The following MAP2K1 variants were observed in gnomAD, a reference collection of about 807,000 sequenced individuals.
MAP2K1 encodes the protein dual specificity mitogen-activated protein kinase kinase 1.
Under a neutral mutation model 46.3 loss-of-function variants are expected in MAP2K1, and 16 were observed. The observed-to-expected ratio is 0.35, with a 90% CI of 0.23 to 0.52. The LOEUF is 0.52. Among genes scored for constraint, MAP2K1 ranks in the 20% least tolerant of loss-of-function variants. MAP2K1 has a pLI of 0.94. For missense variants in MAP2K1, 263 were observed against 497.1 expected (o/e 0.53, Z 4.48); for synonymous variants, 183 against 185.6 (o/e 0.99, Z 0.11).
At chr15:66,444,753 A>T (rs1891817949) in intron 5 of MAP2K1, 46 bp downstream of exon 5, 1 of 1,463,474 alleles carries the variant, frequency 6.8e-7, no homozygotes, top group Admixed American at 1.7e-5. Context: ...TTTAGATATA[A>T]TCCAAAGGCT....
In MAP2K1 at chr15:66,404,945, G is replaced by A. The variant is rs141224527; in HGVS notation, c.80+17518G>A. Among the ~76,000 whole-genome samples the A allele has an allele frequency of 5.1e-3, 772 of 152,282 alleles. 10 individuals are homozygous for A. Among genetic ancestry groups the A allele is most frequent in the Non-Finnish European group, 5.5e-3 (373 of 68,008 alleles). ...CTGCTGTTAATCTGTGGGGCAATAA[G>A]AATTGATCCTACTGCAAGAAAGAGA... On this transcript the variant is annotated intron_variant, in intron 1 of 10. Coordinates refer to ENST00000307102, the MANE Select transcript of MAP2K1 (RefSeq NM_002755.4).
chr15:66,443,854 T>G (rs999711761), intron 4 of MAP2K1, among the ~76,000 whole-genome samples: 2 of 151,998 alleles, frequency 1.3e-5, no homozygotes, highest in African/African-American at 4.8e-5. Flanking sequence ...GGCGACAGAG[T>G]GAGACCCTGT....
At chr15:66,392,255 G>GTTTTTTTTTTTTTTTTTTTTTTTTTTTT (rs58831070) in intron 1 of MAP2K1, among the ~76,000 whole-genome samples, 2 of 97,768 alleles carry the variant, frequency 2.0e-5, no homozygotes, top group African/African-American at 9.1e-5. Context: ...TTTTTTTTGG[G>GTTTTTTTTTTTTTTTTTTTTTTTTTTTT]TTTTTTTTTT....
intron 5 of MAP2K1, among the ~76,000 whole-genome samples, chr15:66,448,224 T>C (rs1015998230): frequency 6.6e-6 from 1 of 152,010 alleles, no homozygotes; most frequent in African/African-American, 2.4e-5. Context: ...ATCTACCTTC[T>C]GTCTCTATGA....
At position 66,440,343 on chromosome 15, in the gene MAP2K1, C is replaced by T. The variant is rs538509133; in HGVS notation, c.439-2937C>T. Among the ~76,000 whole-genome samples, 8 of 152,268 alleles carry T rather than the reference C, an allele frequency of 5.3e-5. No individual in the cohort carries two copies. The South Asian group carries it at 1.2e-3, about 24-fold the overall frequency. ...TTGGGCTCAAGCAATCTGCCTGTCT[C>T]GGCCTCTCAAAGTGCTGGGATTAGA... On this transcript the variant is annotated intron_variant, in intron 3 of 10. Coordinates refer to ENST00000307102, the MANE Select transcript of MAP2K1 (RefSeq NM_002755.4).
At chr15:66,455,895 A>G (rs1289172462) in intron 5 of MAP2K1, among the ~76,000 whole-genome samples, 2 of 152,182 alleles carry the variant, frequency 1.3e-5, no homozygotes, top group Non-Finnish European at 2.9e-5. Context: ...TGGGTGTTCA[A>G]AGGGAGAAAC....
chr15:66,423,604 A>ATT (rs142169839), intron 1 of MAP2K1, among the ~76,000 whole-genome samples: 3,549 of 112,972 alleles, frequency 0.031, 204 homozygotes, highest in African/African-American at 0.068. Flanking sequence ...TGCCAGGCTA[A>ATT]TTTTTTTTTT....
At chr15:66,468,397 C>G (rs929357553) in intron 5 of MAP2K1, among the ~76,000 whole-genome samples, 1 of 152,150 alleles carries the variant, frequency 6.6e-6, no homozygotes, top group African/African-American at 2.4e-5. Context: ...GGTGAAAAAT[C>G]AGATAGCAAA....
intron 5 of MAP2K1, among the ~76,000 whole-genome samples, chr15:66,470,091 CT>C (rs1567021186): frequency 1.8e-5 from 1 of 55,740 alleles, no homozygotes; most frequent in Non-Finnish European, 3.5e-5. Context: ...ACTTTTTTTT[CT>C]TGTTTTTTTT....
intron 5 of MAP2K1, among the ~76,000 whole-genome samples, chr15:66,448,278 ATT>A (rs1567013843): frequency 1.3e-5 from 2 of 151,978 alleles, no homozygotes; most frequent in Non-Finnish European, 2.9e-5. Flanking sequence ...ATTACACAGT[ATT>A]TGTCCTTTAG....
chr15:66,490,857 G>A lies in MAP2K1; in HGVS notation c.*242G>A. The A allele has an allele frequency of 3.5e-6, 2 of 574,528 alleles. No individual in the cohort carries two copies. Among genetic ancestry groups the A allele is most frequent in the East Asian group, 3.1e-5 (1 of 32,480 alleles). The allele number at this position is 574,528 out of a possible 1,614,324, so 35.6% of individuals were successfully genotyped here. A position where few individuals can be genotyped will look rare whatever the true frequency, so the allele number is the denominator to read the frequency against. ...GCTTGGGGCTATTTGTGTGTATGCT[G>A]ATGATCAAAACCTGTGCCAGGCTGA... On this transcript the variant is annotated 3_prime_UTR_variant, in exon 11 of 11. Coordinates refer to ENST00000307102, the MANE Select transcript of MAP2K1 (RefSeq NM_002755.4).
intron 8 of MAP2K1, among the ~76,000 whole-genome samples, chr15:66,487,615 A>G (rs953836985): frequency 6.6e-6 from 1 of 151,616 alleles, no homozygotes; most frequent in Non-Finnish European, 1.5e-5. Context: ...AAAAACAAAA[A>G]AACACATCGC....
chr15:66,387,358 A>G lies in MAP2K1; in HGVS notation c.11A>G (p.Lys4Arg), dbSNP rs761150136. The G allele has an allele frequency of 2.6e-6, 4 of 1,563,490 alleles. No individual in the cohort carries two copies. In the Admixed American group the frequency reaches 5.7e-5, roughly 22 times the overall value. ...TTACCCGGGTCCAAAATGCCCAAGA[A>G]GAAGCCGACGCCCATCCAGCTGAAC... is the stretch of plus-strand genomic sequence containing the variant. MPK[K>R]KPTPIQLNPA... The change falls in exon 1 of 11, where the codon AAG becomes AGG. Residue 4 changes from lysine (K) to arginine (R), a missense_variant. Lys to Arg is a conservative substitution (Grantham distance 26). Around this residue, in one of 4 missense-constraint regions of MAP2K1, gnomAD observed 31 missense variants for 29.9 expected, o/e 1.04. Transcript: ENST00000307102.
intron 5 of MAP2K1, 27 bp from the exon 6 acceptor site, chr15:66,481,728 T>C (rs781590615): frequency 6.2e-7 from 1 of 1,610,010 alleles, no homozygotes; most frequent in Non-Finnish European, 8.5e-7. Context: ...GTCAGTTCCC[T>C]CCTTTTCTAT....
intron 5 of MAP2K1, 100 bp from the exon 6 acceptor site, chr15:66,481,655 G>C: frequency 7.2e-7 from 1 of 1,385,476 alleles, no homozygotes; most frequent in Non-Finnish European, 1.0e-6. Flanking sequence ...GTGTGGTCCT[G>C]GGACTCGTGG....
At chr15:66,445,059 A>G (rs1567012495) in intron 5 of MAP2K1, 2 of 223,478 alleles carry the variant, frequency 8.9e-6, no homozygotes, top group African/African-American at 2.4e-5. Flanking sequence ...CCAGCTGCAT[A>G]TGAGTTTTAC....
At chr15:66,477,742 C>A (rs1217841252) in intron 5 of MAP2K1, among the ~76,000 whole-genome samples, 1 of 152,112 alleles carries the variant, frequency 6.6e-6, no homozygotes, top group Non-Finnish European at 1.5e-5. Flanking sequence ...GAGCCTGGTG[C>A]CGTGTGGCCT....
intron 6 of MAP2K1, 45 bp from the exon 7 acceptor site, chr15:66,484,945 G>A (rs2140673336): frequency 6.6e-7 from 1 of 1,524,350 alleles, no homozygotes. Context: ...AGACCCAGGG[G>A]TCCAAGTTAG....
intron 1 of MAP2K1, among the ~76,000 whole-genome samples, chr15:66,400,519 C>A (rs1171109012): frequency 6.6e-6 from 1 of 152,190 alleles, no homozygotes; most frequent in Non-Finnish European, 1.5e-5. Context: ...AGGGTTCCAG[C>A]TTTGTTTCTG....
Sources: gnomAD v4.1 joint callset for allele counts (sites outside exome capture counted in the v4.1 genomes callset) on GRCh38, gnomAD v4.1.1 for gene constraint, gnomAD v4.1.1 regional missense constraint, MANE v1.5 for transcripts, NCBI Gene and HGNC (gene_info 2026-07-23, HGNC 2026-07-21) for gene names.